Variants in KIF26B observed in about 807,000 individuals in gnomAD.
The protein encoded by KIF26B is kinesin-like protein KIF26B.
In KIF26B, 63 loss-of-function variants were observed where a neutral mutation model predicts 151.2. The ratio of observed to expected loss-of-function variants is 0.42; its 90% confidence interval spans 0.34 to 0.51. The LOEUF is 0.51. KIF26B is among the 20% of genes least tolerant of loss of function. The pLI, the probability that KIF26B is intolerant of heterozygous loss-of-function variation, is 0.07. For synonymous variants in KIF26B, 1,357 were observed against 1,262.1 expected, an observed-to-expected ratio of 1.08 and a Z score of -1.59; for missense variants, 2,813 against 2,913.6, an observed-to-expected ratio of 0.97 and a Z score of 0.79.
At chr1:245,624,244 A>G (rs2043697707) in intron 9 of KIF26B, among the ~76,000 whole-genome samples, 1 of 151,870 alleles carries the variant, frequency 6.6e-6, no homozygotes, top group Non-Finnish European at 1.5e-5. Flanking sequence ...GTAAAAACCT[A>G]TACTAGAACT....
At chr1:245,211,723 A>C (rs1482969197) in intron 2 of KIF26B, among the ~76,000 whole-genome samples, 2 of 152,140 alleles carry the variant, frequency 1.3e-5, no homozygotes, top group Non-Finnish European at 2.9e-5. Context: ...ATAAAGAAAA[A>C]AATTTAAATC....
chr1:245,160,450 A>G (rs528108036), intron 2 of KIF26B, among the ~76,000 whole-genome samples: 6 of 152,316 alleles, frequency 3.9e-5, no homozygotes, highest in African/African-American at 1.4e-4. Context: ...CTGAGCCAGA[A>G]ATAGGGGCCA....
At chr1:245,468,938 A>G (rs1043494165) in intron 4 of KIF26B, among the ~76,000 whole-genome samples, 23 of 152,342 alleles carry the variant, frequency 1.5e-4, no homozygotes, top group Admixed American at 3.9e-4. Flanking sequence ...ATGCAAATAT[A>G]TATACACACA....
At chr1:245,445,866 TA>T (rs1659239313) in intron 4 of KIF26B, among the ~76,000 whole-genome samples, 2 of 152,184 alleles carry the variant, frequency 1.3e-5, no homozygotes, top group African/African-American at 2.4e-5. Flanking sequence ...ACAATTCCAT[TA>T]GCATCCTTCC....
At chr1:245,398,358 G>T (rs73126092) in intron 3 of KIF26B, among the ~76,000 whole-genome samples, 18,701 of 152,098 alleles carry the variant, frequency 0.12, 1,576 homozygotes, top group East Asian at 0.24. Flanking sequence ...GGCAGCCAGG[G>T]TTCATGGAGC....
chr1:245,699,619 G>A (rs377358335), intron 14 of KIF26B, among the ~76,000 whole-genome samples: 1 of 128,166 alleles, frequency 7.8e-6, no homozygotes, highest in African/African-American at 2.8e-5. Flanking sequence ...CAATTGTCTT[G>A]TCTTATTAGT....
rs1444711983 is a variant in KIF26B, at chr1:245,394,684, C to CTTTTTTTTTTTTTTTTTTT, written c.1000-24892_1000-24891insTTTTTTTTTTTTTTTTTTT. Among the ~76,000 whole-genome samples, 4 of 124,400 alleles carry CTTTTTTTTTTTTTTTTTTT rather than the reference C, an allele frequency of 3.2e-5. 1 individual carries two copies. The highest frequency in any genetic ancestry group is 7.9e-5 in the African/African-American group (2 of 25,224). 81.6% of individuals were successfully genotyped at this position (124,400 alleles called of 152,430 possible). On this transcript the variant is annotated intron_variant, in intron 3 of 14. Coordinates refer to ENST00000407071, the MANE Select transcript of KIF26B (RefSeq NM_018012.4). ...TTAAAAAGTACCTTCAAGTTTTTTT[C>CTTTTTTTTTTTTTTTTTTT]TTTCTTTTTTTTTTTTTTTTTTTGA...
chr1:245,369,168 T>TGAGAGAGAGAGAGAGAGAGAGAGA (rs112848389), intron 3 of KIF26B, among the ~76,000 whole-genome samples: 1 of 135,764 alleles, frequency 7.4e-6, no homozygotes, highest in African/African-American at 2.6e-5. Flanking sequence ...AAAAGAAGAG[T>TGAGAGAGAGAGAGAGAGAGAGAGA]GAGAGAGAGA....
At chr1:245,522,768 A>G (rs918071913) in intron 4 of KIF26B, among the ~76,000 whole-genome samples, 8 of 152,192 alleles carry the variant, frequency 5.3e-5, no homozygotes, top group African/African-American at 1.7e-4. Context: ...TCAATATTCT[A>G]CAGCCAGTTG....
intron 2 of KIF26B, among the ~76,000 whole-genome samples, chr1:245,333,233 C>A (rs967657645): frequency 1.3e-5 from 2 of 152,204 alleles, no homozygotes; most frequent in Non-Finnish European, 1.5e-5. Flanking sequence ...GATGTGGTCT[C>A]TACATACAAT....
chr1:245,519,073 G>T (rs982728040), intron 4 of KIF26B, among the ~76,000 whole-genome samples: 2 of 152,156 alleles, frequency 1.3e-5, no homozygotes, highest in Admixed American at 1.3e-4. Context: ...AATACACATA[G>T]GAAGTTATTT....
intron 3 of KIF26B, among the ~76,000 whole-genome samples, chr1:245,377,101 G>A (rs1486525518): frequency 6.6e-6 from 1 of 152,054 alleles, no homozygotes; most frequent in Admixed American, 6.6e-5. Flanking sequence ...TTTTAGTAGA[G>A]ACAGGGTTTC....
intron 5 of KIF26B, among the ~76,000 whole-genome samples, chr1:245,558,375 C>T (rs899174078): frequency 4.6e-5 from 7 of 152,224 alleles, no homozygotes; most frequent in African/African-American, 1.4e-4. Context: ...AAAGAGGACA[C>T]ACTTTCTCTC....
Position 245,703,482 on chromosome 1 carries a change from TGCTCCTG to T in KIF26B, c.*878_*884del, listed in dbSNP as rs1470059007. 3.3e-5 allele frequency: 5 copies of T among 152,244 alleles called. No individual in the cohort carries two copies. Among genetic ancestry groups the T allele is most frequent in the African/African-American group, 9.6e-5 (4 of 41,472 alleles). The allele number at this position is 152,244 out of a possible 1,614,324, so 9.4% of individuals were successfully genotyped here. On this transcript the variant is annotated 3_prime_UTR_variant, in exon 15 of 15. Transcript: ENST00000407071. ...AGTCCTTTGCGACCTGGGCCCTCCC[TGCTCCTG>T]GGAGGTGGGCCGTATGTTCTGTAGA...
At chr1:245,192,929 G>T (rs988375346) in intron 2 of KIF26B, among the ~76,000 whole-genome samples, 33 of 152,106 alleles carry the variant, frequency 2.2e-4, no homozygotes, top group African/African-American at 7.5e-4. Context: ...GCACTGTGCA[G>T]GTTTGTGATA....
At chr1:245,600,270 C>A (rs2043381187) in intron 5 of KIF26B, among the ~76,000 whole-genome samples, 1 of 133,470 alleles carries the variant, frequency 7.5e-6, no homozygotes, top group Non-Finnish European at 1.7e-5. Context: ...TATCTCCTGA[C>A]CTTGTGATCC....
intron 5 of KIF26B, among the ~76,000 whole-genome samples, chr1:245,589,353 G>C (rs1486014399): frequency 6.6e-6 from 1 of 152,174 alleles, no homozygotes; most frequent in African/African-American, 2.4e-5. Flanking sequence ...GATCTCGCAG[G>C]CTGGCAAGGC....
chr1:245,196,387 G>A lies in KIF26B; in HGVS notation c.465+39704G>A, dbSNP rs928777615. 1.5e-4 allele frequency among the ~76,000 whole-genome samples: 23 copies of A among 152,176 alleles called. No homozygotes were observed. In the South Asian group the frequency reaches 4.2e-3, roughly 27 times the overall value. On this transcript the variant is annotated intron_variant, in intron 2 of 14. Coordinates refer to ENST00000407071, the MANE Select transcript of KIF26B (RefSeq NM_018012.4). ...ACTGTGTTTCCTCCAGCATATTTCC[G>A]AGTTGATTGTCAAGCACAGCTCTTA...
Position 245,688,251 on chromosome 1 carries a change from C to A in KIF26B, c.5268C>A (p.Leu1756=). The A allele has an allele frequency of 6.3e-7, 1 of 1,593,730 alleles. No homozygotes were observed. Among genetic ancestry groups the A allele is most frequent in the Non-Finnish European group, 8.5e-7 (1 of 1,176,132 alleles). The change falls in exon 12 of 15, where the codon CTC becomes CTA. Residue 1756 remains leucine (L), a synonymous_variant. Transcript: ENST00000407071. ...RGPSASTTKT[L]SFSTKSLPQA... is the part of the protein sequence containing the mutation. ...CGTCCGCCTCCACCACCAAAACCCT[C>A]AGCTTCTCCACCAAGTCCCTGCCGC...
Sources: gnomAD v4.1 joint callset for allele counts (sites outside exome capture counted in the v4.1 genomes callset) on GRCh38, gnomAD v4.1.1 for gene constraint, MANE v1.5 for transcripts, NCBI Gene and HGNC (gene_info 2026-07-23, HGNC 2026-07-21) for gene names.